The following RIPOR3 variants were observed in gnomAD, a reference collection of about 807,000 sequenced individuals.
RIPOR3 encodes RIPOR family member 3.
RIPOR3 carries 95 observed loss-of-function variants against 114.3 expected under a neutral mutation model. That is an observed-to-expected ratio of 0.83 (90% CI 0.70 to 0.99). RIPOR3 has a LOEUF of 0.99. RIPOR3 is among the 50% of genes least tolerant of loss of function. The pLI is 0.00. For missense variants in RIPOR3, 1,252 were observed against 1,266.9 expected (o/e 0.99, Z 0.18); for synonymous variants, 575 against 543.8 (o/e 1.06, Z -0.80).
At chr20:50,655,294 C>T (rs2085769423) in intron 1 of RIPOR3, among the ~76,000 whole-genome samples, 1 of 152,190 alleles carries the variant, frequency 6.6e-6, no homozygotes, top group South Asian at 2.1e-4. Context: ...AAGTGACAAA[C>T]CCCCAGAAGT....
chr20:50,665,758 C>T (rs771892821), intron 1 of RIPOR3, among the ~76,000 whole-genome samples: 2 of 152,034 alleles, frequency 1.3e-5, no homozygotes, highest in Non-Finnish European at 2.9e-5. Flanking sequence ...CACCACTTTT[C>T]AGTGCACGTA....
At chr20:50,666,183 A>ATTTCTTTTCTTTTCTTTTCTTTTTTTC (rs2086191837) in intron 1 of RIPOR3, among the ~76,000 whole-genome samples, 15 of 43,754 alleles carry the variant, frequency 3.4e-4, no homozygotes, top group African/African-American at 8.0e-4. Context: ...AAGGACACCC[A>ATTTCTTTTCTTTTCTTTTCTTTTTTTC]TTTCTTTTCT....
At chr20:50,597,234 G>A in intron 14 of RIPOR3, 1 of 196,568 alleles carries the variant, frequency 5.1e-6, no homozygotes, top group South Asian at 9.7e-5. Context: ...CCAAAGTGTT[G>A]GGATTACAGG....
intron 2 of RIPOR3, among the ~76,000 whole-genome samples, chr20:50,629,269 C>G (rs115241675): frequency 1.4e-4 from 22 of 152,280 alleles, no homozygotes; most frequent in African/African-American, 5.1e-4. Flanking sequence ...GACTCACTGA[C>G]CTACTGAGTT....
chr20:50,664,030 G>A (rs2086101721), intron 1 of RIPOR3, among the ~76,000 whole-genome samples: 2 of 150,198 alleles, frequency 1.3e-5, no homozygotes, highest in South Asian at 2.1e-4. Flanking sequence ...GGCTTCAAGC[G>A]ATTCTCCTGC....
chr20:50,604,446 C>A (rs1160466932), intron 12 of RIPOR3, among the ~76,000 whole-genome samples, 199 bp downstream of exon 12: 1 of 152,212 alleles, frequency 6.6e-6, no homozygotes, highest in Non-Finnish European at 1.5e-5. Context: ...AAGAACCAGC[C>A]AAGCCCAGAA....
At chr20:50,665,886 G>A (rs566414744) in intron 1 of RIPOR3, among the ~76,000 whole-genome samples, 13 of 151,982 alleles carry the variant, frequency 8.6e-5, no homozygotes, top group Middle Eastern at 3.2e-3. Flanking sequence ...AAGGCCCCCC[G>A]TCGCCACGCA....
intron 3 of RIPOR3, among the ~76,000 whole-genome samples, chr20:50,618,152 AG>A (rs558758738): frequency 2.0e-4 from 31 of 151,988 alleles, no homozygotes; most frequent in Non-Finnish European, 4.1e-4. Flanking sequence ...CTGTAGTCCC[AG>A]CTCCTCAGAA....
chr20:50,590,589 G>A (rs1227593396), intron 19 of RIPOR3, among the ~76,000 whole-genome samples: 1 of 152,210 alleles, frequency 6.6e-6, no homozygotes, highest in Non-Finnish European at 1.5e-5. Flanking sequence ...ACTGGGAGTA[G>A]GATCGGGTCC....
intron 6 of RIPOR3, 69 bp from the exon 7 acceptor site, chr20:50,609,791 TCTC>T (rs1268907480): frequency 5.9e-5 from 80 of 1,344,944 alleles, no homozygotes; most frequent in Non-Finnish European, 6.9e-5. Flanking sequence ...CCTGTCGACT[TCTC>T]CTCTCTGGGA....
chr20:50,628,910 G>C (rs372612565), intron 2 of RIPOR3, among the ~76,000 whole-genome samples: 3 of 152,352 alleles, frequency 2.0e-5, no homozygotes, highest in African/African-American at 7.2e-5. Context: ...GGGGGGTGGA[G>C]GTGGGGTCCT....
At chr20:50,596,680 G>A (rs909701172) in intron 14 of RIPOR3, among the ~76,000 whole-genome samples, 1 of 152,240 alleles carries the variant, frequency 6.6e-6, no homozygotes, top group African/African-American at 2.4e-5. Flanking sequence ...CTGTGGTAGA[G>A]GCTAGACCTG....
chr20:50,625,397 A>AT (rs1017866103), intron 2 of RIPOR3, among the ~76,000 whole-genome samples: 3 of 152,090 alleles, frequency 2.0e-5, no homozygotes, highest in African/African-American at 7.2e-5. Flanking sequence ...CTTTACATGT[A>AT]TGGACTCATT....
chr20:50,589,981 C>T, intron 19 of RIPOR3: 2 of 503,298 alleles, frequency 4.0e-6, no homozygotes, highest in East Asian at 3.4e-5. Flanking sequence ...AAAACAGATG[C>T]CAGGGCTAAT....
intron 11 of RIPOR3, 128 bp from the exon 12 acceptor site, chr20:50,604,902 G>A: frequency 8.7e-7 from 1 of 1,155,606 alleles, no homozygotes; most frequent in Non-Finnish European, 1.2e-6. Flanking sequence ...AGCATGGATG[G>A]TGTGTGAGGA....
At chr20:50,685,244 G>C (rs1374173676) in intron 1 of RIPOR3, among the ~76,000 whole-genome samples, 1 of 115,320 alleles carries the variant, frequency 8.7e-6, no homozygotes, top group Non-Finnish European at 1.8e-5. Flanking sequence ...TTTTTTTTGA[G>C]ATGGAGTCTT....
chr20:50,593,572 C>CA (rs1220033093), intron 17 of RIPOR3, among the ~76,000 whole-genome samples: 1,746 of 142,084 alleles, frequency 0.012, 36 homozygotes, highest in African/African-American at 0.04. Context: ...AACCCCATCT[C>CA]AAAAAAAAAA....
rs140830420 is a variant in RIPOR3 at position 50,630,571 on chromosome 20, ATCTCTCTCTCTCTCTC to A, written c.122+151_122+166del. ...TCTCTCTGTCTCTCTCTCAATCTCA[ATCTCTCTCTCTCTCTC>A]TCTCTCTCTCTCTGTCTCTCTCGGG... is the stretch of plus-strand genomic sequence containing the variant. On this transcript the variant is annotated intron_variant, in intron 2 of 21. Transcript: ENST00000327979. Among the ~76,000 whole-genome samples, 376 of 133,138 alleles carry A rather than the reference ATCTCTCTCTCTCTCTC, an allele frequency of 2.8e-3. 6 individuals carry two copies. Among genetic ancestry groups the A allele is most frequent in the African/African-American group, 9.0e-3 (357 of 39,458 alleles). The allele number at this position is 133,138 out of a possible 152,430, so 87.3% of individuals were successfully genotyped here.
intron 1 of RIPOR3, among the ~76,000 whole-genome samples, chr20:50,670,013 C>T (rs1257590339): frequency 8.3e-5 from 6 of 72,706 alleles, no homozygotes; most frequent in East Asian, 6.9e-4. Flanking sequence ...AAAAATTAGC[C>T]GGGCGTGGTG....
Sources: gnomAD v4.1 joint callset for allele counts (sites outside exome capture counted in the v4.1 genomes callset) on GRCh38, gnomAD v4.1.1 for gene constraint, MANE v1.5 for transcripts, NCBI Gene and HGNC (gene_info 2026-07-23, HGNC 2026-07-21) for gene names.